The following ADAMTS6 variants were observed in gnomAD, a reference collection of about 807,000 sequenced individuals.
ADAMTS6 encodes the protein ADAM metallopeptidase with thrombospondin type 1 motif 6.
A neutral mutation model predicts 144.3 loss-of-function variants in ADAMTS6; 23 were observed. That is an observed-to-expected ratio of 0.16 (90% confidence interval 0.11 to 0.23). The LOEUF is 0.23. Among genes scored for constraint, ADAMTS6 ranks in the 10% least tolerant of loss-of-function variants. The pLI, the probability that ADAMTS6 is intolerant of heterozygous loss-of-function variation, is 1.00. For synonymous variants in ADAMTS6, 444 were observed against 457.5 expected (o/e 0.97, Z 0.38); for missense variants, 999 against 1,379.6 (o/e 0.72, Z 4.37).
intron 20 of ADAMTS6, among the ~76,000 whole-genome samples, chr5:65,213,717 CT>C: frequency 6.6e-6 from 1 of 152,100 alleles, no homozygotes; most frequent in Non-Finnish European, 1.5e-5. Flanking sequence ...AAAATAACCT[CT>C]CTGATTTAAG....
intron 11 of ADAMTS6, 75 bp from the exon 12 acceptor site, chr5:65,273,522 C>CA: frequency 1.7e-6 from 2 of 1,210,422 alleles, no homozygotes; most frequent in South Asian, 1.3e-5. Flanking sequence ...CACTTACAGT[C>CA]ACTCTGCATT....
chr5:65,193,503 T>A (rs1755138493), intron 21 of ADAMTS6, among the ~76,000 whole-genome samples: 1 of 152,046 alleles, frequency 6.6e-6, no homozygotes, highest in African/African-American at 2.4e-5. Context: ...GTCCCATATA[T>A]GCAAAATAAG....
intron 7 of ADAMTS6, among the ~76,000 whole-genome samples, chr5:65,399,123 G>T (rs2150160612): frequency 6.6e-6 from 1 of 151,950 alleles, no homozygotes; most frequent in Admixed American, 6.5e-5. Context: ...TGGGCGCGGT[G>T]GTGGGCGCCT....
At chr5:65,234,457 T>G (rs528221923) in intron 15 of ADAMTS6, among the ~76,000 whole-genome samples, 2 of 151,546 alleles carry the variant, frequency 1.3e-5, no homozygotes, top group South Asian at 4.2e-4. Flanking sequence ...ATAGACTTTT[T>G]TTTTTCCCAA....
At chr5:65,403,187 CTCTT>C (rs750071469) in intron 7 of ADAMTS6, among the ~76,000 whole-genome samples, 127 of 152,200 alleles carry the variant, frequency 8.3e-4, no homozygotes, top group Non-Finnish European at 6.9e-4. Context: ...TCTCGTGATT[CTCTT>C]TCTATCTAAC....
chr5:65,425,714 A>G (rs1197790240), intron 7 of ADAMTS6, among the ~76,000 whole-genome samples: 1 of 152,118 alleles, frequency 6.6e-6, no homozygotes, highest in African/African-American at 2.4e-5. Context: ...CAAATAAACT[A>G]AACCTAAAAG....
intron 7 of ADAMTS6, among the ~76,000 whole-genome samples, chr5:65,400,166 C>T (rs1163866200): frequency 6.6e-6 from 1 of 151,784 alleles, no homozygotes; most frequent in African/African-American, 2.4e-5. Flanking sequence ...TTTCTCTGTC[C>T]TCTTTCAGAA....
In ADAMTS6 at chr5:65,192,011, G is replaced by A. The variant is rs532648108; in HGVS notation, c.2706-3791C>T. 2.0e-5 allele frequency among the ~76,000 whole-genome samples: 3 copies of A among 152,142 alleles called. No individual in the cohort carries two copies. In the South Asian group the frequency reaches 6.2e-4, roughly 32 times the overall value. On this transcript the variant is annotated intron_variant, in intron 21 of 24. Coordinates refer to ENST00000381055, the MANE Select transcript of ADAMTS6 (RefSeq NM_197941.4). ...GGGAGTGGACCTAAATAATTTCTAT[G>A]ATTCTTCCTAGGTCTTAAATTTTGG...
At chr5:65,210,052 A>G (rs1274275915) in intron 20 of ADAMTS6, 1 of 220,264 alleles carries the variant, frequency 4.5e-6, no homozygotes, top group Admixed American at 4.1e-5. Flanking sequence ...ACGCACATGA[A>G]CTGCCAAAAT....
chr5:65,213,162 G>T (rs1756653301), intron 20 of ADAMTS6, among the ~76,000 whole-genome samples: 2 of 152,122 alleles, frequency 1.3e-5, no homozygotes, highest in Non-Finnish European at 2.9e-5. Context: ...CACATAAAAT[G>T]GATGGGAACT....
rs530559734 is a variant in ADAMTS6, at chr5:65,312,521, T to C, written c.1224-12390A>G. Among the ~76,000 whole-genome samples the C allele has an allele frequency of 1.2e-4, 18 of 152,184 alleles. No individual in the cohort carries two copies. The East Asian group carries it at 1.7e-3, about 15-fold the overall frequency. On this transcript the variant is annotated intron_variant, in intron 9 of 24. Coordinates refer to ENST00000381055, the MANE Select transcript of ADAMTS6 (RefSeq NM_197941.4). ...GCTCATGTGTTTTCTAAAACAGAGT[T>C]TGGAATTTAATTCTACTTTTGAACT...
In ADAMTS6 at chr5:65,300,050, A is replaced by G; in HGVS notation, c.1305T>C (p.Ile435=). 2 of 1,614,138 alleles carry G rather than the reference A, an allele frequency of 1.2e-6. No individual in the cohort carries two copies. Among genetic ancestry groups the G allele is most frequent in the Non-Finnish European group, 1.7e-6 (2 of 1,180,002 alleles). Residue 435 remains isoleucine, a synonymous_variant, in exon 10 of 25, where the codon ATT becomes ATC. Transcript: ENST00000381055. ...HEAAKLMAAH[I]TANTNPFSWS... ...AGGAAAAAGGATTGGTATTCGCAGT[A>G]ATGTGAGCTGCCATAAGTTTTGCTG...
rs570665138 is a variant in ADAMTS6 at position 65,236,447 on chromosome 5, C to G, written c.1933+5657G>C. 3.7e-4 allele frequency among the ~76,000 whole-genome samples: 57 copies of G among 152,162 alleles called. 1 individual carries two copies. The South Asian group carries it at 0.012, about 32-fold the overall frequency. Reference sequence around the variant, plus strand: ...AGACTACAGGCATGTGGTACCACACCCAGCTAATTTTTTATTTTTCGTATA... The same window carrying G: ...AGACTACAGGCATGTGGTACCACACGCAGCTAATTTTTTATTTTTCGTATA... On this transcript the variant is annotated intron_variant, in intron 15 of 24. Coordinates refer to ENST00000381055, the MANE Select transcript of ADAMTS6 (RefSeq NM_197941.4).
chr5:65,449,399 G>A (rs193069328), intron 7 of ADAMTS6, among the ~76,000 whole-genome samples: 2 of 152,190 alleles, frequency 1.3e-5, no homozygotes, highest in African/African-American at 4.8e-5. Context: ...GGCGGATCAC[G>A]AGGTCAGGAG....
chr5:65,462,490 A>G (rs1371954247), intron 3 of ADAMTS6, among the ~76,000 whole-genome samples: 2 of 152,198 alleles, frequency 1.3e-5, no homozygotes, highest in Non-Finnish European at 2.9e-5. Context: ...TTATAACATT[A>G]TCTCTTCTTA....
intron 2 of ADAMTS6, among the ~76,000 whole-genome samples, chr5:65,472,779 G>A (rs1760562407): frequency 6.6e-6 from 1 of 152,062 alleles, no homozygotes; most frequent in Non-Finnish European, 1.5e-5. Context: ...TAAATAATTA[G>A]AGTTCATACT....
intron 14 of ADAMTS6, among the ~76,000 whole-genome samples, chr5:65,243,051 T>C (rs1169758027): frequency 2.0e-5 from 3 of 152,124 alleles, no homozygotes; most frequent in Non-Finnish European, 2.9e-5. Context: ...ATTATAAAGC[T>C]CATAGTGTTT....
intron 15 of ADAMTS6, among the ~76,000 whole-genome samples, chr5:65,226,774 G>C (rs1247159279): frequency 1.3e-5 from 2 of 151,930 alleles, no homozygotes; most frequent in African/African-American, 4.8e-5. Context: ...GTAGAGACAG[G>C]GTTTCACCAT....
chr5:65,333,999 A>C, intron 8 of ADAMTS6, 43 bp downstream of exon 8: 1 of 378,552 alleles, frequency 2.6e-6, no homozygotes, highest in South Asian at 8.3e-5. Context: ...ACCTTTATTA[A>C]AAAAAAAAAA....
Sources: gnomAD v4.1 joint callset for allele counts (sites outside exome capture counted in the v4.1 genomes callset) on GRCh38, gnomAD v4.1.1 for gene constraint, MANE v1.5 for transcripts, NCBI Gene and HGNC (gene_info 2026-07-23, HGNC 2026-07-21) for gene names.